Variants in UVRAG observed in about 807,000 individuals in gnomAD.
UVRAG encodes the protein UV radiation resistance associated, also known as UV radiation resistance-associated gene protein.
In UVRAG, 19 loss-of-function variants were observed where a neutral mutation model predicts 78.0. The observed-to-expected ratio is 0.24, with a 90% CI of 0.17 to 0.36. The LOEUF (loss-of-function observed/expected upper bound fraction) is 0.36, where lower values mean the gene tolerates loss of function less well. UVRAG is among the 10% of genes least tolerant of loss of function. The probability of loss-of-function intolerance (pLI) is 1.00; values close to 1 mark genes in which losing one functional copy is unlikely to be tolerated. For missense variants in UVRAG, 740 were observed against 853.8 expected, an observed-to-expected ratio of 0.87 and a Z score of 1.66; for synonymous variants, 323 against 324.6, an observed-to-expected ratio of 1.00 and a Z score of 0.05.
At chr11:75,824,721 T>C (rs1945473423) in intron 1 of UVRAG, among the ~76,000 whole-genome samples, 1 of 143,632 alleles carries the variant, frequency 7.0e-6, no homozygotes, top group African/African-American at 2.8e-5. Context: ...TCGCCCAGGC[T>C]GGAGTGCAGT....
At chr11:75,977,415 C>T (rs1277342737) in intron 7 of UVRAG, among the ~76,000 whole-genome samples, 1 of 152,090 alleles carries the variant, frequency 6.6e-6, no homozygotes. Flanking sequence ...AGTTCAATTC[C>T]TGGATATCCT....
chr11:76,116,476 A>C (rs965479494), intron 14 of UVRAG, among the ~76,000 whole-genome samples: 1 of 152,216 alleles, frequency 6.6e-6, no homozygotes, highest in Non-Finnish European at 1.5e-5. Flanking sequence ...CAGTAGGTAC[A>C]TTCTGAAATG....
intron 5 of UVRAG, among the ~76,000 whole-genome samples, chr11:75,897,222 C>T (rs970127801): frequency 3.9e-5 from 6 of 151,936 alleles, no homozygotes; most frequent in African/African-American, 1.2e-4. Flanking sequence ...TAAAAAGTTT[C>T]AGGATCTGTT....
At chr11:76,113,638 T>C (rs1244361208) in intron 13 of UVRAG, among the ~76,000 whole-genome samples, 2 of 152,140 alleles carry the variant, frequency 1.3e-5, no homozygotes, top group Admixed American at 6.5e-5. Context: ...ATTTTTGAGT[T>C]CCCTATGTGG....
intron 14 of UVRAG, among the ~76,000 whole-genome samples, chr11:76,117,175 C>A (rs1952197788): frequency 6.6e-6 from 1 of 152,130 alleles, no homozygotes; most frequent in Non-Finnish European, 1.5e-5. Flanking sequence ...GCCCTGTCCC[C>A]AAGAGATTTG....
intron 12 of UVRAG, among the ~76,000 whole-genome samples, chr11:76,048,958 G>A (rs1950812939): frequency 6.6e-6 from 1 of 152,220 alleles, no homozygotes; most frequent in East Asian, 1.9e-4. Flanking sequence ...ATAAGCCGAG[G>A]TAAACAGCCC....
chr11:75,874,286 C>CA (rs1490930443), intron 3 of UVRAG, among the ~76,000 whole-genome samples: 6 of 151,636 alleles, frequency 4.0e-5, no homozygotes, highest in African/African-American at 1.5e-4. Flanking sequence ...AAAACAACAA[C>CA]ACACACACAC....
chr11:75,898,159 G>A (rs1228377060), intron 5 of UVRAG, among the ~76,000 whole-genome samples: 2 of 152,146 alleles, frequency 1.3e-5, no homozygotes, highest in African/African-American at 4.8e-5. Flanking sequence ...GTGAGCCACT[G>A]CGCCTGGCCC....
intron 5 of UVRAG, among the ~76,000 whole-genome samples, chr11:75,898,603 G>T (rs7119278): frequency 0.029 from 4,427 of 152,200 alleles, 223 homozygotes; most frequent in African/African-American, 0.1. Flanking sequence ...TTATAGACGT[G>T]CACTTTCTTC....
intron 1 of UVRAG, among the ~76,000 whole-genome samples, chr11:75,844,283 A>G (rs1160672519): frequency 6.6e-6 from 1 of 151,348 alleles, no homozygotes; most frequent in Non-Finnish European, 1.5e-5. Context: ...GCTGGAGTGC[A>G]GTGGCACTAT....
At chr11:75,968,885 T>G (rs533146752) in intron 7 of UVRAG, among the ~76,000 whole-genome samples, 6 of 152,358 alleles carry the variant, frequency 3.9e-5, no homozygotes, top group African/African-American at 1.4e-4. Context: ...CTTAGGCTTC[T>G]TGATTATACT....
At chr11:75,932,022 G>T (rs1162614575) in intron 6 of UVRAG, among the ~76,000 whole-genome samples, 2 of 148,138 alleles carry the variant, frequency 1.4e-5, no homozygotes. Flanking sequence ...CCAATGGATG[G>T]TTTGTCTTTT....
chr11:75,959,958 A>G (rs1185180551), intron 6 of UVRAG, among the ~76,000 whole-genome samples: 4 of 152,184 alleles, frequency 2.6e-5, no homozygotes, highest in Middle Eastern at 3.2e-3. Context: ...AGAACACAAA[A>G]CATTTATCGA....
At chr11:75,985,230 A>C (rs1383113968) in intron 8 of UVRAG, among the ~76,000 whole-genome samples, 1 of 136,954 alleles carries the variant, frequency 7.3e-6, no homozygotes, top group Non-Finnish European at 1.6e-5. Context: ...TTTCTGTTGG[A>C]TATGTTGTAA....
chr11:75,832,315 C>T (rs1212866658), intron 1 of UVRAG, among the ~76,000 whole-genome samples: 4 of 152,172 alleles, frequency 2.6e-5, no homozygotes, highest in African/African-American at 9.7e-5. Flanking sequence ...TCCCAAGTCC[C>T]GGTCGCAGGC....
intron 12 of UVRAG, among the ~76,000 whole-genome samples, chr11:76,036,070 G>A (rs1022654573): frequency 6.6e-6 from 1 of 152,162 alleles, no homozygotes; most frequent in South Asian, 2.1e-4. Flanking sequence ...ATAATTGACT[G>A]GAAAGAGCTT....
At position 75,851,965 on chromosome 11, in the gene UVRAG, C is replaced by T; in HGVS notation, c.200C>T (p.Thr67Ile). 1 of 1,613,724 alleles carries T rather than the reference C, an allele frequency of 6.2e-7. No individual in the cohort carries two copies. Among genetic ancestry groups the T allele is most frequent in the Non-Finnish European group, 8.5e-7 (1 of 1,179,662 alleles). ...CATCAGCTCCTTGATACCTACTTTA[C>T]ACTTCACTTGTGTAGTACTGAAAAG... Reference protein sequence around the residue: ...NGHQLLDTYFTLHLCSTEKIY... With the variant: ...NGHQLLDTYFILHLCSTEKIY... The change falls in exon 2 of 15, where the codon ACA becomes ATA. Residue 67 changes from threonine (T) to isoleucine (I), a missense_variant. Physicochemically the swap from Thr to Ile is moderately conservative, Grantham distance 89. Coordinates refer to ENST00000356136, the MANE Select transcript of UVRAG (RefSeq NM_003369.4).
chr11:75,890,146 G>A (rs1055659684), intron 5 of UVRAG, among the ~76,000 whole-genome samples: 3 of 152,180 alleles, frequency 2.0e-5, no homozygotes, highest in South Asian at 2.1e-4. Flanking sequence ...GCCACAGCAC[G>A]CAGAACTTTT....
At chr11:76,095,786 G>A (rs1951776358) in intron 13 of UVRAG, among the ~76,000 whole-genome samples, 1 of 148,876 alleles carries the variant, frequency 6.7e-6, no homozygotes, top group African/African-American at 2.5e-5. Context: ...TGGCAAGATT[G>A]CTTGAGCCCA....
Sources: allele counts gnomAD v4.1 joint callset (sites outside exome capture counted in the v4.1 genomes callset), GRCh38; gene constraint gnomAD v4.1.1; transcripts MANE v1.5; gene names NCBI Gene and HGNC (gene_info 2026-07-23, HGNC 2026-07-21).